The following APCDD1L variants were observed in gnomAD, a reference collection of about 807,000 sequenced individuals.
The protein encoded by APCDD1L is APC down-regulated 1 like.
APCDD1L carries 21 observed loss-of-function variants against 24.2 expected under a neutral mutation model. The observed-to-expected ratio is 0.87, with a 90% CI of 0.61 to 1.25. The LOEUF is 1.25. Ranked by LOEUF, APCDD1L falls within the 50% of genes most tolerant of loss-of-function variation. The pLI, the probability that APCDD1L is intolerant of heterozygous loss-of-function variation, is 0.00. For synonymous variants in APCDD1L, 321 were observed against 323.6 expected (o/e 0.99, Z 0.09); for missense variants, 704 against 711.7 (o/e 0.99, Z 0.12).
intron 3 of APCDD1L, 126 bp downstream of exon 3, chr20:58,466,980 G>A: frequency 2.4e-6 from 3 of 1,228,296 alleles, no homozygotes; most frequent in Non-Finnish European, 3.3e-6. Flanking sequence ...GGGAGGGGCA[G>A]TGATGACAGC....
Position 58,460,996 on chromosome 20 carries a change from C to G in APCDD1L, c.1300G>C (p.Asp434His), listed in dbSNP as rs150190868. 1.2e-6 allele frequency: 2 copies of G among 1,614,020 alleles called. No homozygotes were observed. Among genetic ancestry groups the G allele is most frequent in the African/African-American group, 2.7e-5 (2 of 74,912 alleles). ...SLLFIGQRPT[D>H]GSSPDTPEKR... ...TCTGGGGTATCGGGACTTGAGCCAT[C>G]GGTGGGCCTTTGTCCGATGAAGAGC... Residue 434 changes from aspartate (D) to histidine (H), a missense_variant, in exon 4 of 4, where the codon GAT (aspartate) becomes CAT (histidine). Asp to His is a moderately conservative substitution (Grantham distance 81). Coordinates refer to ENST00000371149, the MANE Select transcript of APCDD1L (RefSeq NM_153360.3). The surrounding 1 kb of genome is among the most constrained non-coding windows in gnomAD (Gnocchi z 4.2).
intron 3 of APCDD1L, among the ~76,000 whole-genome samples, chr20:58,463,899 G>GA (rs920142912): frequency 7.2e-6 from 1 of 138,658 alleles, no homozygotes; most frequent in Non-Finnish European, 1.6e-5. Context: ...TTTTTTGGGG[G>GA]GGGGGGGCGT....
intron 1 of APCDD1L, among the ~76,000 whole-genome samples, chr20:58,480,165 T>C (rs1385999570): frequency 6.6e-6 from 1 of 152,112 alleles, no homozygotes; most frequent in East Asian, 1.9e-4. Flanking sequence ...AGTTGGGGAA[T>C]GGGTTGGACT....
chr20:58,495,984 G>A (rs578192836), intron 1 of APCDD1L, among the ~76,000 whole-genome samples: 46 of 152,286 alleles, frequency 3.0e-4, no homozygotes, highest in South Asian at 1.0e-3. Context: ...CAGAGGGGGC[G>A]GTGGCTGCGC....
chr20:58,509,969 T>C (rs912810977), intron 1 of APCDD1L, among the ~76,000 whole-genome samples: 5 of 152,180 alleles, frequency 3.3e-5, no homozygotes, highest in African/African-American at 1.2e-4. Context: ...CTCCACCCCT[T>C]GGTCCCTCAC....
At chr20:58,514,049 C>T (rs1175800605) in intron 1 of APCDD1L, 3 of 1,031,024 alleles carry the variant, frequency 2.9e-6, no homozygotes, top group Non-Finnish European at 3.8e-6. Flanking sequence ...ACTCCCCACC[C>T]CCACGAAGAG....
At chr20:58,492,662 C>T (rs1000893919) in intron 1 of APCDD1L, among the ~76,000 whole-genome samples, 1 of 152,366 alleles carries the variant, frequency 6.6e-6, no homozygotes, top group East Asian at 1.9e-4. Flanking sequence ...GGTTTACAAA[C>T]ATTTTCTGTG....
At chr20:58,469,110 C>T (rs1989768138) in intron 2 of APCDD1L, among the ~76,000 whole-genome samples, 1 of 152,124 alleles carries the variant, frequency 6.6e-6, no homozygotes, top group East Asian at 1.9e-4. Context: ...TTTAATTTTA[C>T]AGTTACCTTT....
At chr20:58,514,544 C>A in intron 1 of APCDD1L, 115 bp downstream of exon 1, 1 of 1,059,264 alleles carries the variant, frequency 9.4e-7, no homozygotes, top group Non-Finnish European at 1.2e-6. Flanking sequence ...AGCATAGCAG[C>A]CGCGTGGGCC....
rs748629322 is a variant in APCDD1L, at chr20:58,508,501, T to C, written c.49+6158A>G. 5.3e-5 allele frequency among the ~76,000 whole-genome samples: 8 copies of C among 152,148 alleles called. No individual in the cohort carries two copies. Among genetic ancestry groups the C allele is most frequent in the South Asian group, 2.1e-4 (1 of 4,828 alleles). On this transcript the variant is annotated intron_variant, in intron 1 of 3. Coordinates refer to ENST00000371149, the MANE Select transcript of APCDD1L (RefSeq NM_153360.3). This position sits in a 1 kb window ranked among gnomAD's most constrained non-coding sequence, Gnocchi z 4.0. ...AATCTCAAAATGCCCCCTGAAGTGG[T>C]TGACATCCTCGATTAGATGTTGGCA...
At chr20:58,464,267 C>A (rs1045109025) in intron 3 of APCDD1L, among the ~76,000 whole-genome samples, 1 of 152,218 alleles carries the variant, frequency 6.6e-6, no homozygotes, top group Non-Finnish European at 1.5e-5. Flanking sequence ...AAAAGATATT[C>A]TCTGCAGATA....
At chr20:58,470,089 G>A (rs548875038) in intron 2 of APCDD1L, among the ~76,000 whole-genome samples, 36 of 152,242 alleles carry the variant, frequency 2.4e-4, no homozygotes, top group Non-Finnish European at 3.1e-4. Context: ...GCCACTTCCC[G>A]CCCCAGGGCC....
rs373379788 is a variant in APCDD1L, at chr20:58,466,217, T to C, written c.741+889A>G. Among the ~76,000 whole-genome samples, 3 of 151,490 alleles carry C rather than the reference T, an allele frequency of 2.0e-5. No individual in the cohort carries two copies. The East Asian group carries it at 5.8e-4, about 29-fold the overall frequency. ...GCAATGGCTTCTTCTAAAATCTAGG[T>C]TAATCAGCTTCAATGAAATTCGTGT... is the stretch of plus-strand genomic sequence containing the variant. On this transcript the variant is annotated intron_variant, in intron 3 of 3. Coordinates refer to ENST00000371149, the MANE Select transcript of APCDD1L (RefSeq NM_153360.3).
chr20:58,498,919 T>C (rs75784673), intron 1 of APCDD1L, among the ~76,000 whole-genome samples: 2,655 of 152,332 alleles, frequency 0.017, 70 homozygotes, highest in African/African-American at 0.061. Flanking sequence ...TGGAGTCTCA[T>C]CTCCATCCCA....
intron 2 of APCDD1L, among the ~76,000 whole-genome samples, chr20:58,469,654 C>T (rs723507): frequency 0.09 from 13,754 of 152,212 alleles, 1,298 homozygotes; most frequent in East Asian, 0.27. Flanking sequence ...GTGCCGTGGG[C>T]GTGGGGGCTG....
At chr20:58,509,544 C>T (rs144632740) in intron 1 of APCDD1L, among the ~76,000 whole-genome samples, 35 of 152,264 alleles carry the variant, frequency 2.3e-4, no homozygotes, top group African/African-American at 7.9e-4. Flanking sequence ...AACAACTCAC[C>T]TCAAATGCTG....
At chr20:58,470,875 C>G (rs1034068091) in intron 1 of APCDD1L, 128 bp from the exon 2 acceptor site, 2 of 1,339,160 alleles carry the variant, frequency 1.5e-6, no homozygotes, top group South Asian at 3.1e-5. Context: ...ATCGCAGCCC[C>G]GTCCCCAGGG....
chr20:58,461,308 C>T lies in APCDD1L; in HGVS notation c.988G>A (p.Val330Met), dbSNP rs145873693. 5.9e-5 allele frequency: 95 copies of T among 1,607,044 alleles called. No individual in the cohort carries two copies. Among genetic ancestry groups the T allele is most frequent in the South Asian group, 4.7e-4 (43 of 90,700 alleles). The change falls in exon 4 of 4, where the codon GTG becomes ATG. Residue 330 changes from valine (V) to methionine (M), a missense_variant. Physicochemically the swap from Val to Met is conservative, Grantham distance 21. Transcript: ENST00000371149. This position sits in a 1 kb window ranked among gnomAD's most constrained non-coding sequence, Gnocchi z 6.0. ...CTGGTGTAGCGGCCGGCGGCATACA[C>T]GGTGAAGGTGGGCTGCCGGCAGGCT... Reference protein sequence around the residue: ...DPACRQPTFTVYAAGRYTRGT... With the variant: ...DPACRQPTFTMYAAGRYTRGT...
intron 1 of APCDD1L, among the ~76,000 whole-genome samples, chr20:58,512,820 G>C (rs947156312): frequency 1.3e-5 from 2 of 152,136 alleles, no homozygotes; most frequent in African/African-American, 4.8e-5. Flanking sequence ...TGTAGAGCTG[G>C]GAGCTGCAGT....
Sources: allele counts gnomAD v4.1 joint callset (sites outside exome capture counted in the v4.1 genomes callset), GRCh38; gene constraint gnomAD v4.1.1; non-coding constraint Gnocchi (gnomAD v3.1); transcripts MANE v1.5; gene names NCBI Gene and HGNC (gene_info 2026-07-23, HGNC 2026-07-21).